The following VIT variants were observed in gnomAD, a reference collection of about 807,000 sequenced individuals.
The protein encoded by VIT is vitrin.
VIT carries 99 observed loss-of-function variants against 78.0 expected under a neutral mutation model. The ratio of observed to expected loss-of-function variants is 1.27; its 90% CI spans 1.08 to 1.50. The LOEUF is 1.50. Ranked by LOEUF, VIT falls within the 40% of genes most tolerant of loss-of-function variation. VIT has a pLI of 0.00. For synonymous variants in VIT, 374 were observed against 334.3 expected (o/e 1.12, Z -1.29); for missense variants, 1,126 against 875.3 (o/e 1.29, Z -3.61).
At chr2:36,813,532 C>A (rs1667343245) in intron 15 of VIT, among the ~76,000 whole-genome samples, 1 of 152,040 alleles carries the variant, frequency 6.6e-6, no homozygotes, top group Non-Finnish European at 1.5e-5. Flanking sequence ...TGTTGGACAC[C>A]CCTTTCTTTA....
At chr2:36,734,171 A>G (rs1667369822) in intron 3 of VIT, among the ~76,000 whole-genome samples, 1 of 152,174 alleles carries the variant, frequency 6.6e-6, no homozygotes, top group South Asian at 2.1e-4. Context: ...AGGACTTGTA[A>G]AATGTGATAA....
chr2:36,726,001 G>A (rs1028083385), intron 2 of VIT, among the ~76,000 whole-genome samples: 9 of 151,872 alleles, frequency 5.9e-5, no homozygotes, highest in Admixed American at 1.3e-4. Flanking sequence ...AACAGGAGGC[G>A]GAGGTTGCAG....
intron 6 of VIT, among the ~76,000 whole-genome samples, chr2:36,760,151 C>T (rs1162724432): frequency 1.1e-4 from 16 of 152,092 alleles, no homozygotes; most frequent in South Asian, 2.1e-4. Flanking sequence ...CCTGCCACCA[C>T]GCCCGGCTAA....
At chr2:36,713,894 T>A (rs1558507614) in intron 1 of VIT, among the ~76,000 whole-genome samples, 1 of 152,226 alleles carries the variant, frequency 6.6e-6, no homozygotes, top group Admixed American at 6.5e-5. Flanking sequence ...CACTCAGGCT[T>A]GAAGATACAT....
At chr2:36,702,820 G>GT (rs2148410821) in intron 1 of VIT, among the ~76,000 whole-genome samples, 1 of 152,244 alleles carries the variant, frequency 6.6e-6, no homozygotes, top group South Asian at 2.1e-4. Context: ...CCCCTACTGC[G>GT]TTGGGGATTC....
At chr2:36,785,913 A>G (rs988000163) in intron 11 of VIT, among the ~76,000 whole-genome samples, 2 of 152,208 alleles carry the variant, frequency 1.3e-5, no homozygotes, top group East Asian at 3.8e-4. Flanking sequence ...TTGTCAACTC[A>G]TGTTCATTTA....
At position 36,805,670 on chromosome 2, in the gene VIT, T is replaced by C. The variant is rs1030365769; in HGVS notation, c.1389+6T>C. The C allele has an allele frequency of 5.0e-6, 8 of 1,610,996 alleles. No homozygotes were observed. In the Admixed American group the frequency reaches 5.0e-5, roughly 10 times the overall value. Reference sequence around the variant, plus strand: ...AGCCCAACTTTGCAAACAAGGTAGATGACTGCCCGGAGACCTACCCAACAT... The same window carrying C: ...AGCCCAACTTTGCAAACAAGGTAGACGACTGCCCGGAGACCTACCCAACAT... On this transcript the variant is annotated splice_donor_region_variant and intron_variant, in intron 14 of 15. Transcript: ENST00000379242.
chr2:36,715,667 A>T (rs1318344411), intron 1 of VIT, among the ~76,000 whole-genome samples: 1 of 152,212 alleles, frequency 6.6e-6, no homozygotes, highest in African/African-American at 2.4e-5. Flanking sequence ...GCCAAGAGAG[A>T]CTTATTCAAT....
chr2:36,708,182 C>T (rs1039301326), intron 1 of VIT, among the ~76,000 whole-genome samples: 5 of 150,706 alleles, frequency 3.3e-5, no homozygotes, highest in Non-Finnish European at 5.9e-5. Flanking sequence ...CACTGACAAG[C>T]GGAGGAGGCT....
chr2:36,785,624 G>T (rs1665042684), intron 11 of VIT, among the ~76,000 whole-genome samples: 1 of 152,180 alleles, frequency 6.6e-6, no homozygotes, highest in African/African-American at 2.4e-5. Context: ...TGAAAAGGAT[G>T]AATTGGTAGG....
chr2:36,800,534 G>T (rs185689549), intron 12 of VIT, among the ~76,000 whole-genome samples: 107 of 152,236 alleles, frequency 7.0e-4, no homozygotes, highest in African/African-American at 2.5e-3. Flanking sequence ...CAGGTCTCAC[G>T]CCCACGAAGT....
intron 3 of VIT, among the ~76,000 whole-genome samples, chr2:36,736,012 T>C (rs935453848): frequency 1.3e-5 from 2 of 152,288 alleles, no homozygotes; most frequent in Non-Finnish European, 2.9e-5. Flanking sequence ...TAATCCAAGG[T>C]AAAGTTTACC....
intron 12 of VIT, among the ~76,000 whole-genome samples, chr2:36,799,278 C>T (rs7606098): frequency 0.66 from 101,101 of 152,084 alleles, 34,531 homozygotes; most frequent in East Asian, 0.81. Context: ...CTGGTTTCCT[C>T]GTGACTGCAC....
At chr2:36,790,220 A>T (rs1429175081) in intron 12 of VIT, among the ~76,000 whole-genome samples, 1 of 152,224 alleles carries the variant, frequency 6.6e-6, no homozygotes. Context: ...CACTCCAGGT[A>T]GCCCAGGTGA....
intron 12 of VIT, among the ~76,000 whole-genome samples, chr2:36,800,343 T>A (rs1666231366): frequency 6.6e-6 from 1 of 151,998 alleles, no homozygotes; most frequent in Admixed American, 6.6e-5. Context: ...AGACTCCGTG[T>A]TAAAAAAGAA....
intron 2 of VIT, among the ~76,000 whole-genome samples, chr2:36,721,258 T>A (rs1666490495): frequency 6.6e-6 from 1 of 152,124 alleles, no homozygotes; most frequent in Admixed American, 6.6e-5. Context: ...ATATAGACAA[T>A]TTTTATTTGT....
chr2:36,781,673 T>C, intron 9 of VIT, 54 bp from the exon 10 acceptor site: 2 of 1,593,500 alleles, frequency 1.3e-6, no homozygotes, highest in Non-Finnish European at 1.7e-6. Flanking sequence ...CTCAAGAGTT[T>C]CTGCTGGTTT....
chr2:36,743,037 G>C (rs1667926239), intron 3 of VIT, 63 bp from the exon 4 acceptor site: 20 of 1,596,196 alleles, frequency 1.3e-5, no homozygotes, highest in Non-Finnish European at 1.6e-5. Context: ...AGACCTAACA[G>C]TGTCACCCCA....
chr2:36,777,280 A>C (rs1670133096), intron 9 of VIT, among the ~76,000 whole-genome samples: 1 of 151,704 alleles, frequency 6.6e-6, no homozygotes, highest in African/African-American at 2.4e-5. Context: ...GAGCATAAGA[A>C]GGCTGAGAAC....
Sources: allele counts gnomAD v4.1 joint callset (sites outside exome capture counted in the v4.1 genomes callset), GRCh38; gene constraint gnomAD v4.1.1; transcripts MANE v1.5; gene names NCBI Gene and HGNC (gene_info 2026-07-23, HGNC 2026-07-21).